FAM161A: variants seen among roughly 807,000 people sequenced by gnomAD.
FAM161A encodes protein FAM161A.
FAM161A carries 57 observed loss-of-function variants against 70.9 expected under a neutral mutation model. That is an observed-to-expected ratio of 0.80 (90% confidence interval 0.65 to 1.00). FAM161A has a LOEUF of 1.00. FAM161A is among the 50% of genes least tolerant of loss of function. The probability of loss-of-function intolerance (pLI) is 0.00; values close to 1 mark genes in which losing one functional copy is unlikely to be tolerated. For synonymous variants in FAM161A, 299 were observed against 295.7 expected (o/e 1.01, Z -0.12); for missense variants, 880 against 836.0 (o/e 1.05, Z -0.65).
intron 5 of FAM161A, among the ~76,000 whole-genome samples, chr2:61,831,443 T>C (rs145139222): frequency 6.6e-6 from 1 of 152,336 alleles, no homozygotes; most frequent in African/African-American, 2.4e-5. Flanking sequence ...CACAATTTTG[T>C]CTCAACACAC....
At position 61,826,595 on chromosome 2, in the gene FAM161A, T is replaced by C. The variant is rs370603613; in HGVS notation, c.2011A>G (p.Asn671Asp). 44 of 1,600,644 alleles carry C rather than the reference T, an allele frequency of 2.7e-5. No individual in the cohort carries two copies. The African/African-American group carries it at 4.0e-4, about 15-fold the overall frequency. The change falls in exon 7 of 7, where the codon AAT (asparagine) becomes GAT (aspartate). Residue 671 changes from asparagine (N) to aspartate (D), a missense_variant. By Grantham distance (23) the Asn-to-Asp change is conservative (BLOSUM62 1). Transcript: ENST00000404929. ...CTTTCTTCTATTTTTTCTTCTTCAT[T>C]AAAGCTAGGGGAAGAAATTTATCAA... ...KSVTEDKESF[N>D]EEEKIEEREN...
the FAM161A span, among the ~76,000 whole-genome samples, chr2:61,811,249 G>A: frequency 1.3e-5 from 2 of 152,198 alleles, no homozygotes; most frequent in Non-Finnish European, 1.5e-5. Context: ...CCAGACAGGA[G>A]TGCAATGATG....
At chr2:61,804,566 T>C in the FAM161A span, among the ~76,000 whole-genome samples, 1 of 151,646 alleles carries the variant, frequency 6.6e-6, no homozygotes, top group Non-Finnish European at 1.5e-5. Context: ...GCACCTGTAA[T>C]CCCAACTACA....
In FAM161A at chr2:61,840,704, G is replaced by A; in HGVS notation, c.423-123C>T. ...CTCACTCTGTTGCCCAGGTTGGAGTGCAGTGGTGTGATATCGGCTCACTGC... is the reference window on the plus strand; with the variant it reads ...CTCACTCTGTTGCCCAGGTTGGAGTACAGTGGTGTGATATCGGCTCACTGC... On this transcript the variant is annotated intron_variant, in intron 2 of 6. Transcript: ENST00000404929. The A allele has an allele frequency of 6.7e-6, 5 of 741,902 alleles. No individual in the cohort carries two copies. The South Asian group carries it at 8.5e-5, about 13-fold the overall frequency. 46.0% of individuals were successfully genotyped at this position (741,902 alleles called of 1,614,324 possible).
At chr2:61,850,346 A>G (rs1475961969) in intron 1 of FAM161A, among the ~76,000 whole-genome samples, 5 of 151,672 alleles carry the variant, frequency 3.3e-5, no homozygotes, top group Admixed American at 3.3e-4. Flanking sequence ...TGGTGAGCCA[A>G]GATCACGCCA....
At chr2:61,822,779 G>T (rs1271127868), downstream of FAM161A, among the ~76,000 whole-genome samples, 1 of 151,662 alleles carries the variant, frequency 6.6e-6, no homozygotes, top group Non-Finnish European at 1.5e-5. Flanking sequence ...AAGTAGAGAC[G>T]GGGTTTCACC....
chr2:61,809,888 A>G, the FAM161A span, among the ~76,000 whole-genome samples: 1 of 152,162 alleles, frequency 6.6e-6, no homozygotes, highest in Non-Finnish European at 1.5e-5. Context: ...AGCCTGGTGG[A>G]GGAGGAAAGG....
In FAM161A at chr2:61,839,669, G is replaced by A. The variant is rs1443459426; in HGVS notation, c.1335C>T (p.His445=). The A allele has an allele frequency of 6.2e-7, 1 of 1,614,192 alleles. No individual in the cohort carries two copies. Among genetic ancestry groups the A allele is most frequent in the African/African-American group, 1.3e-5 (1 of 75,048 alleles). Residue 445 remains histidine (H), a synonymous_variant, in exon 3 of 7, where the codon CAC becomes CAT. Coordinates refer to ENST00000404929, the MANE Select transcript of FAM161A (RefSeq NM_001201543.2). ...PERYQKHLSE[H]KSPKLLTVCK... The stretch of plus-strand genomic sequence containing the variant: ...ACACTGTTAAGAGTTTTGGAGACTT[G>A]TGTTCTGAGAGGTGTTTCTGGTATC...
In FAM161A at chr2:61,836,898, C is replaced by T. The variant is rs148936682; in HGVS notation, c.1752-789G>A. 4.0e-3 allele frequency: 831 copies of T among 206,888 alleles called. 8 individuals carry two copies. The highest frequency in any genetic ancestry group is 0.019 in the African/African-American group (802 of 43,296). 12.8% of individuals were successfully genotyped at this position (206,888 alleles called of 1,614,324 possible). On this transcript the variant is annotated intron_variant, in intron 4 of 6. Coordinates refer to ENST00000404929, the MANE Select transcript of FAM161A (RefSeq NM_001201543.2). ...CTATTAATTTTGAGACAGGTTCTCA[C>T]TTTGTTGTCCAGGCTGGAGTGCAGT...
In FAM161A at chr2:61,848,922, ATATT is replaced by A. The variant is rs1270681448; in HGVS notation, c.183+4933_183+4936del. On this transcript the variant is annotated intron_variant, in intron 1 of 6. Transcript: ENST00000404929. Reference sequence around the variant, plus strand: ...TATATATATATTTATATATTTATATATATTTATATATATATATTTATATATATTT... The same window carrying A: ...TATATATATATTTATATATTTATATATATATATATATATTTATATATATTT... Among the ~76,000 whole-genome samples, 8 of 1,908 alleles carry A rather than the reference ATATT, an allele frequency of 4.2e-3. 1 individual carries two copies. Among genetic ancestry groups the A allele is most frequent in the South Asian group, 0.019 (1 of 52 alleles). 1.3% of individuals were successfully genotyped at this position (1,908 alleles called of 152,430 possible).
Position 61,826,474 on chromosome 2 carries a change from G to C in FAM161A, c.2132C>G (p.Ser711Cys). ...GATGATTCAGTGTGATTCTTCAACA[G>C]ATTTCTCTTCTTCACTTTCCTCATT... ...EANEESEEEK[S>C]VEESH is the part of the protein sequence containing the mutation. Residue 711 changes from serine to cysteine, a missense_variant, in exon 7 of 7, where the codon TCT becomes TGT. Ser to Cys is a moderately radical substitution (Grantham distance 112). Transcript: ENST00000404929. 1.2e-6 allele frequency: 2 copies of C among 1,611,028 alleles called. No homozygotes were observed. The highest frequency in any genetic ancestry group is 1.7e-6 in the Non-Finnish European group (2 of 1,178,190).
downstream of FAM161A, chr2:61,820,625 A>G (rs1672183488): frequency 1.6e-6 from 1 of 609,492 alleles, no homozygotes; most frequent in Non-Finnish European, 3.0e-6. Flanking sequence ...TCTTTTTTGT[A>G]TTATTCTTTT....
the FAM161A span, among the ~76,000 whole-genome samples, chr2:61,809,211 A>C: frequency 5.7e-4 from 86 of 152,118 alleles, no homozygotes; most frequent in Non-Finnish European, 9.6e-4. Context: ...TGGCCCCCGG[A>C]CACCACTGCT....
At position 61,840,243 on chromosome 2, in the gene FAM161A, T is replaced by A. The variant is rs1225701710; in HGVS notation, c.761A>T (p.Glu254Val). The A allele has an allele frequency of 6.2e-7, 1 of 1,614,024 alleles. No homozygotes were observed. The highest frequency in any genetic ancestry group is 8.5e-7 in the Non-Finnish European group (1 of 1,179,984). ...GATATCTGATTTAGATTTCATGGAC[T>A]CTTCTTTTTTCTTCTGTTCTCTTAT... The part of the protein sequence containing the change: ...MMIREQKKKE[E>V]SMKSKSDIEM... The change falls in exon 3 of 7, where the codon GAG becomes GTG. Residue 254 changes from glutamate (E) to valine (V), a missense_variant. Physicochemically the swap from Glu to Val is moderately radical, Grantham distance 121. Coordinates refer to ENST00000404929, the MANE Select transcript of FAM161A (RefSeq NM_001201543.2).
the FAM161A span, among the ~76,000 whole-genome samples, chr2:61,807,071 A>T: frequency 1.3e-5 from 2 of 152,144 alleles, no homozygotes; most frequent in African/African-American, 4.8e-5. Flanking sequence ...TGATTTTCAC[A>T]TTCTTGTGTG....
At chr2:61,846,516 C>T (rs1673220553) in intron 1 of FAM161A, among the ~76,000 whole-genome samples, 1 of 152,194 alleles carries the variant, frequency 6.6e-6, no homozygotes, top group Non-Finnish European at 1.5e-5. Flanking sequence ...CTGGGCTCCG[C>T]ACTTAGCAAT....
intron 1 of FAM161A, among the ~76,000 whole-genome samples, chr2:61,850,066 C>T (rs1453679802): frequency 6.6e-6 from 1 of 152,054 alleles, no homozygotes; most frequent in Admixed American, 6.6e-5. Flanking sequence ...TGTAACAAAC[C>T]TGCACATGCA....
At chr2:61,801,568 GT>G in the FAM161A span, among the ~76,000 whole-genome samples, 128 of 127,754 alleles carry the variant, frequency 1.0e-3, no homozygotes, top group South Asian at 2.4e-3. Context: ...GGTTTTTTTG[GT>G]TTTTTTTTTT....
At chr2:61,814,530 C>T in the FAM161A span, among the ~76,000 whole-genome samples, 27 of 152,108 alleles carry the variant, frequency 1.8e-4, no homozygotes, top group East Asian at 2.0e-3. Flanking sequence ...GCTAGGGCAA[C>T]GTGACAAAAC....
Sources: gnomAD v4.1 joint callset for allele counts (sites outside exome capture counted in the v4.1 genomes callset) on GRCh38, gnomAD v4.1.1 for gene constraint, MANE v1.5 for transcripts, NCBI Gene and HGNC (gene_info 2026-07-23, HGNC 2026-07-21) for gene names.